Variants in LGSN observed in about 807,000 individuals in gnomAD.
LGSN encodes the protein lengsin.
A neutral mutation model predicts 19.5 loss-of-function variants in LGSN; 21 were observed. The observed-to-expected ratio is 1.07, with a 90% confidence interval of 0.76 to 1.55. LGSN has a LOEUF of 1.55. Among genes scored for constraint, LGSN ranks in the 40% most tolerant of loss-of-function variants. LGSN has a pLI of 0.00. For missense variants in LGSN, 673 were observed against 608.5 expected, an observed-to-expected ratio of 1.11 and a Z score of -1.12; for synonymous variants, 257 against 215.6, an observed-to-expected ratio of 1.19 and a Z score of -1.68.
At chr6:63,426,731 T>C in the LGSN span, among the ~76,000 whole-genome samples, 2 of 152,184 alleles carry the variant, frequency 1.3e-5, no homozygotes, top group African/African-American at 4.8e-5. Context: ...GCCAGGCTGG[T>C]CTTGAACTCT....
chr6:63,525,540 C>T, the LGSN span, among the ~76,000 whole-genome samples: 1 of 152,212 alleles, frequency 6.6e-6, no homozygotes, highest in African/African-American at 2.4e-5. Flanking sequence ...TCATGCCACT[C>T]TCTCAGAGCA....
At chr6:63,469,814 A>T in the LGSN span, among the ~76,000 whole-genome samples, 103,622 of 152,022 alleles carry the variant, frequency 0.68, 35,478 homozygotes, top group African/African-American at 0.74. Flanking sequence ...CTTCCCAGGT[A>T]CAAGCGATTC....
At chr6:63,501,969 T>C in the LGSN span, among the ~76,000 whole-genome samples, 2 of 152,118 alleles carry the variant, frequency 1.3e-5, no homozygotes, top group African/African-American at 4.8e-5. Context: ...CTATTTTCTT[T>C]TCAGTTTTGT....
the LGSN span, among the ~76,000 whole-genome samples, chr6:63,423,756 GACCAGGC>G: frequency 1.3e-5 from 2 of 152,064 alleles, no homozygotes; most frequent in African/African-American, 2.4e-5. Flanking sequence ...TGATAGAACT[GACCAGGC>G]ATGATGGCTC....
chr6:63,428,152 T>C, the LGSN span, among the ~76,000 whole-genome samples: 3 of 152,148 alleles, frequency 2.0e-5, no homozygotes, highest in African/African-American at 7.2e-5. Flanking sequence ...CTACTATTAA[T>C]AACACCTCAT....
the LGSN span, among the ~76,000 whole-genome samples, chr6:63,332,235 T>C: frequency 6.6e-6 from 1 of 152,182 alleles, no homozygotes; most frequent in South Asian, 2.1e-4. Flanking sequence ...CTGGAATTTA[T>C]ATTAGAAATC....
chr6:63,338,771 A>G, the LGSN span, among the ~76,000 whole-genome samples: 2 of 151,860 alleles, frequency 1.3e-5, no homozygotes, highest in East Asian at 3.9e-4. Context: ...TAGGTTGTTT[A>G]TTTGAAATCT....
chr6:63,537,858 G>A, the LGSN span, among the ~76,000 whole-genome samples: 2 of 152,140 alleles, frequency 1.3e-5, no homozygotes, highest in Non-Finnish European at 1.5e-5. Context: ...CTGGCGAAAG[G>A]GCCACGGCCG....
chr6:63,544,620 G>C, the LGSN span, among the ~76,000 whole-genome samples: 4 of 152,058 alleles, frequency 2.6e-5, no homozygotes, highest in African/African-American at 7.2e-5. Flanking sequence ...TCTTAATAGT[G>C]GATCAGTTAT....
the LGSN span, among the ~76,000 whole-genome samples, chr6:63,378,048 A>G: frequency 3.3e-5 from 5 of 151,456 alleles, no homozygotes; most frequent in East Asian, 1.9e-4. Flanking sequence ...AAAAAAAAAA[A>G]AAAGAAAAAG....
At chr6:63,385,970 T>C in the LGSN span, among the ~76,000 whole-genome samples, 1 of 152,178 alleles carries the variant, frequency 6.6e-6, no homozygotes, top group Non-Finnish European at 1.5e-5. Flanking sequence ...ACTTTACTAA[T>C]TCCATTATTC....
the LGSN span, among the ~76,000 whole-genome samples, chr6:63,470,933 CTTTTTTT>C: frequency 6.8e-5 from 5 of 73,064 alleles, no homozygotes; most frequent in South Asian, 6.3e-4. Flanking sequence ...TTCAGTCTTT[CTTTTTTT>C]TTTTTTTTTT....
At chr6:63,368,568 T>A in the LGSN span, among the ~76,000 whole-genome samples, 1 of 152,298 alleles carries the variant, frequency 6.6e-6, no homozygotes, top group African/African-American at 2.4e-5. Flanking sequence ...GGTAACACCG[T>A]TTAAAATTAA....
chr6:63,354,275 A>G, the LGSN span, among the ~76,000 whole-genome samples: 2 of 152,162 alleles, frequency 1.3e-5, no homozygotes, highest in African/African-American at 2.4e-5. Context: ...CAAAATACAT[A>G]AGGAACTCAA....
At chr6:63,379,078 TAACAAATATGAGATAGTTAAAATC>T in the LGSN span, among the ~76,000 whole-genome samples, 1 of 152,196 alleles carries the variant, frequency 6.6e-6, no homozygotes, top group African/African-American at 2.4e-5. Context: ...ATGATGCTGT[TAACAAATATGAGATAGTTAAAATC>T]AACAGAATGA....
chr6:63,552,324 A>T, the LGSN span, among the ~76,000 whole-genome samples: 6 of 152,112 alleles, frequency 3.9e-5, no homozygotes, highest in African/African-American at 7.2e-5. Context: ...TGGCTGCATA[A>T]ATGTCTTCTT....
At position 63,279,858 on chromosome 6, in the gene LGSN, C is replaced by A; in HGVS notation, c.*163G>T. ...TGTTATCAGAATCTTCTCAGCAGTC[C>A]TACTTCATCTGTCAAATATTCCATG... On this transcript the variant is annotated 3_prime_UTR_variant, in exon 4 of 4. Coordinates refer to ENST00000370657, the MANE Select transcript of LGSN (RefSeq NM_016571.3). The A allele has an allele frequency of 1.6e-6, 1 of 634,908 alleles. No homozygotes were observed. The highest frequency in any genetic ancestry group is 2.7e-6 in the Non-Finnish European group (1 of 366,958). The allele number at this position is 634,908 out of a possible 1,614,324, so 39.3% of individuals were successfully genotyped here.
chr6:63,432,678 C>CA, the LGSN span, among the ~76,000 whole-genome samples: 2 of 147,092 alleles, frequency 1.4e-5, no homozygotes, highest in Non-Finnish European at 3.0e-5. Context: ...GGCAACAGAG[C>CA]AAAACTCTGT....
chr6:63,370,183 A>G, the LGSN span, among the ~76,000 whole-genome samples: 3 of 152,186 alleles, frequency 2.0e-5, no homozygotes, highest in Non-Finnish European at 4.4e-5. Flanking sequence ...CATCCCCCTC[A>G]AGTAAGAAGT....
Sources: gnomAD v4.1 joint callset for allele counts (sites outside exome capture counted in the v4.1 genomes callset) on GRCh38, gnomAD v4.1.1 for gene constraint, MANE v1.5 for transcripts, NCBI Gene and HGNC (gene_info 2026-07-23, HGNC 2026-07-21) for gene names.